The following DNM2 variants were observed in gnomAD, a reference collection of about 807,000 sequenced individuals.
The protein encoded by DNM2 is dynamin 2, also known as dynamin-2.
A neutral mutation model predicts 99.0 loss-of-function variants in DNM2; 15 were observed. The observed-to-expected ratio is 0.15, with a 90% confidence interval of 0.10 to 0.23. DNM2 has a LOEUF of 0.23. DNM2 is among the 10% of genes least tolerant of loss of function. The pLI is 1.00. For synonymous variants in DNM2, 525 were observed against 481.2 expected (o/e 1.09, Z -1.19); for missense variants, 742 against 1,189.4 (o/e 0.62, Z 5.53).
Position 10,812,774 on chromosome 19 carries a change from G to A in DNM2, c.1671+397G>A, listed in dbSNP as rs1353961028. 2.6e-5 allele frequency among the ~76,000 whole-genome samples: 4 copies of A among 152,108 alleles called. No homozygotes were observed. The highest frequency in any genetic ancestry group is 2.1e-4 in the South Asian group (1 of 4,830). ...TGCACTCCAGCCTGGGCGAGAGAGC[G>A]AGACTCCATCTCAAAATAAACAAAC... On this transcript the variant is annotated intron_variant, in intron 15 of 20. Transcript: ENST00000389253. This position sits in a 1 kb window ranked among gnomAD's most constrained non-coding sequence, Gnocchi z 4.0.
rs779363183 is a variant in DNM2, at chr19:10,817,428, C to T, written c.1672-2552C>T. 2 of 514,882 alleles carry T rather than the reference C, an allele frequency of 3.9e-6. No individual in the cohort carries two copies. Among genetic ancestry groups the T allele is most frequent in the Non-Finnish European group, 4.0e-6 (1 of 250,540 alleles). The allele number at this position is 514,882 out of a possible 1,614,324, so 31.9% of individuals were successfully genotyped here. A position where few individuals can be genotyped will look rare whatever the true frequency, so the allele number is the denominator to read the frequency against. On this transcript the variant is annotated intron_variant, in intron 15 of 20. Transcript: ENST00000389253. This position sits in a 1 kb window ranked among gnomAD's most constrained non-coding sequence, Gnocchi z 4.6. Reference sequence around the variant, plus strand: ...GACGAGCCGCTCACCCAAGCCCAGCCTAACCAATGTGCAGACTACTGTACA... The same window carrying T: ...GACGAGCCGCTCACCCAAGCCCAGCTTAACCAATGTGCAGACTACTGTACA...
intron 14 of DNM2, chr19:10,809,749 A>T (rs1372423042): frequency 6.6e-6 from 1 of 152,404 alleles, no homozygotes; most frequent in Non-Finnish European, 1.5e-5. Context: ...GGCGCTGGTC[A>T]TCCCTGCCAC....
rs997751291 is a variant in DNM2 at position 10,820,977 on chromosome 19, G to A, written c.1781+888G>A. 1.3e-5 allele frequency among the ~76,000 whole-genome samples: 2 copies of A among 152,140 alleles called. No individual in the cohort carries two copies. The highest frequency in any genetic ancestry group is 2.9e-5 in the Non-Finnish European group (2 of 68,028). On this transcript the variant is annotated intron_variant, in intron 16 of 20. Transcript: ENST00000389253. This position sits in a 1 kb window ranked among gnomAD's most constrained non-coding sequence, Gnocchi z 4.3. ...GCTCTTCCCATGCTCACACAATCAC[G>A]CTCATCCAGGAAGCAGGGCCCACCT...
At chr19:10,767,914 C>T (rs2070851428) in intron 2 of DNM2, among the ~76,000 whole-genome samples, 1 of 151,956 alleles carries the variant, frequency 6.6e-6, no homozygotes, top group Non-Finnish European at 1.5e-5. Context: ...TCAAAACAAA[C>T]AAACAAAAAA....
intron 1 of DNM2, among the ~76,000 whole-genome samples, chr19:10,742,380 C>T (rs939237521): frequency 1.3e-5 from 2 of 152,186 alleles, no homozygotes; most frequent in African/African-American, 4.8e-5. Context: ...CCCCCGTCAC[C>T]CTCATGAACT....
At position 10,802,473 on chromosome 19, in the gene DNM2, G is replaced by C; in HGVS notation, c.1493+115G>C. 6.6e-6 allele frequency: 8 copies of C among 1,206,316 alleles called. No homozygotes were observed. The South Asian group carries it at 9.9e-5, about 15-fold the overall frequency. The allele number at this position is 1,206,316 out of a possible 1,614,324, so 74.7% of individuals were successfully genotyped here. ...GCAGGTGTCAGACAGTCTCTGTCGG[G>C]GGTCCTGGGGTGAAGGCAGAGCCAA... On this transcript the variant is annotated intron_variant, in intron 12 of 20. Coordinates refer to ENST00000389253, the MANE Select transcript of DNM2 (RefSeq NM_001005361.3).
At chr19:10,815,337 T>C (rs1421839898) in intron 15 of DNM2, among the ~76,000 whole-genome samples, 1 of 152,194 alleles carries the variant, frequency 6.6e-6, no homozygotes, top group Non-Finnish European at 1.5e-5. Flanking sequence ...TGGATATTGG[T>C]TGTTTCTGAG....
intron 19 of DNM2, 152 bp downstream of exon 19, chr19:10,829,420 C>A: frequency 9.6e-7 from 1 of 1,042,580 alleles, no homozygotes; most frequent in Non-Finnish European, 1.4e-6. Flanking sequence ...CTGCTGAGGC[C>A]GGAGGAGGGA....
chr19:10,822,487 A>C (rs991464048), intron 16 of DNM2, among the ~76,000 whole-genome samples: 3 of 151,338 alleles, frequency 2.0e-5, no homozygotes. Context: ...CACCATGCCT[A>C]AACTTTACAA....
At chr19:10,718,620 A>G in intron 1 of DNM2, 1 of 620,416 alleles carries the variant, frequency 1.6e-6, no homozygotes, top group Non-Finnish European at 2.2e-6. Context: ...GGGCGGTGTC[A>G]CGGGCCAGGG....
chr19:10,776,989 C>T, intron 4 of DNM2, 129 bp from the exon 5 acceptor site: 8 of 836,720 alleles, frequency 9.6e-6, no homozygotes, highest in South Asian at 2.8e-5. Flanking sequence ...AGGCCTGTGA[C>T]GTTCTGGCTT....
rs543605693 is a variant in DNM2 at position 10,806,096 on chromosome 19, G to T, written c.1545+129G>T. On this transcript the variant is annotated intron_variant, in intron 13 of 20. Transcript: ENST00000389253. ...CCACAGCCTCAGTACCAGGCCATCT[G>T]CTCTCTCTAGAGGCCACTTAGGAAT... 1.7e-5 allele frequency: 20 copies of T among 1,163,662 alleles called. No individual in the cohort carries two copies. The East Asian group carries it at 5.0e-4, about 29-fold the overall frequency. 72.1% of individuals were successfully genotyped at this position (1,163,662 alleles called of 1,614,324 possible).
chr19:10,791,949 A>G lies in DNM2; in HGVS notation c.993-1771A>G, dbSNP rs901665891. ...CTAAAAGCACAAAAATTAGCTGGGC[A>G]TGGTGGCGGGCACCTGTATTCCCAG... On this transcript the variant is annotated intron_variant, in intron 7 of 20. Coordinates refer to ENST00000389253, the MANE Select transcript of DNM2 (RefSeq NM_001005361.3). Among the ~76,000 whole-genome samples, 6 of 152,298 alleles carry G rather than the reference A, an allele frequency of 3.9e-5. No individual in the cohort carries two copies. The South Asian group carries it at 6.2e-4, about 16-fold the overall frequency.
chr19:10,718,218 G>T lies in DNM2; in HGVS notation c.-25G>T. The T allele has an allele frequency of 6.9e-7, 1 of 1,449,844 alleles. No individual in the cohort carries two copies. Among genetic ancestry groups the T allele is most frequent in the South Asian group, 1.4e-5 (1 of 73,862 alleles). 89.8% of individuals were successfully genotyped at this position (1,449,844 alleles called of 1,614,324 possible). On this transcript the variant is annotated 5_prime_UTR_variant, in exon 1 of 21. Transcript: ENST00000389253. ...CGGCGGCGGGCGAGGAGCGCAGGGC[G>T]CTCGGGCCGGGGGCCGCCGGCGCCA...
Position 10,813,825 on chromosome 19 carries a change from C to CAA in DNM2, c.1671+1462_1671+1463dup, listed in dbSNP as rs371141451. On this transcript the variant is annotated intron_variant, in intron 15 of 20. Coordinates refer to ENST00000389253, the MANE Select transcript of DNM2 (RefSeq NM_001005361.3). ...TGGGCCACAGAGCAAGACACTGTCT[C>CAA]AAAAAAAAAAAAAAAGAAGAAGAAG... is the stretch of plus-strand genomic sequence containing the variant. Among the ~76,000 whole-genome samples the CAA allele has an allele frequency of 2.9e-3, 336 of 115,024 alleles. 2 individuals carry two copies. Among genetic ancestry groups the CAA allele is most frequent in the African/African-American group, 9.8e-3 (280 of 28,666 alleles). The allele number at this position is 115,024 out of a possible 152,430, so 75.5% of individuals were successfully genotyped here. A position where few individuals can be genotyped will look rare whatever the true frequency, so the allele number is the denominator to read the frequency against.
At chr19:10,738,104 G>A (rs2069596230) in intron 1 of DNM2, among the ~76,000 whole-genome samples, 1 of 152,024 alleles carries the variant, frequency 6.6e-6, no homozygotes, top group South Asian at 2.1e-4. Flanking sequence ...CACAACAGAA[G>A]GAAGTAGGCC....
intron 1 of DNM2, among the ~76,000 whole-genome samples, chr19:10,738,717 T>A (rs1181935411): frequency 1.3e-5 from 2 of 151,288 alleles, no homozygotes; most frequent in Non-Finnish European, 2.9e-5. Flanking sequence ...CAAAAAAAAG[T>A]TAGTTAGCTG....
intron 1 of DNM2, among the ~76,000 whole-genome samples, chr19:10,730,078 G>T (rs1268500804): frequency 2.0e-5 from 3 of 152,084 alleles, no homozygotes; most frequent in African/African-American, 7.2e-5. Flanking sequence ...TGCCAAGGCT[G>T]GTCTCAAACT....
In DNM2 at chr19:10,796,727, G is replaced by T. The variant is rs1187001235; in HGVS notation, c.1197-653G>T. 2.0e-5 allele frequency among the ~76,000 whole-genome samples: 3 copies of T among 152,088 alleles called. No homozygotes were observed. Among genetic ancestry groups the T allele is most frequent in the Non-Finnish European group, 4.4e-5 (3 of 68,006 alleles). ...CCCCTGCCCACCCCCTGCACCCCAC[G>T]CTGTCCCCCAGGGGCAGCCCATTTT... is the stretch of plus-strand genomic sequence containing the variant. On this transcript the variant is annotated intron_variant, in intron 9 of 20. Coordinates refer to ENST00000389253, the MANE Select transcript of DNM2 (RefSeq NM_001005361.3). This position sits in a 1 kb window ranked among gnomAD's most constrained non-coding sequence, Gnocchi z 5.6.
Sources: allele counts gnomAD v4.1 joint callset (sites outside exome capture counted in the v4.1 genomes callset), GRCh38; gene constraint gnomAD v4.1.1; non-coding constraint Gnocchi (gnomAD v3.1); transcripts MANE v1.5; gene names NCBI Gene and HGNC (gene_info 2026-07-23, HGNC 2026-07-21).